HDAC4: variants seen among roughly 807,000 people sequenced by gnomAD.
HDAC4 encodes the protein histone deacetylase A.
HDAC4 carries 16 observed loss-of-function variants against 135.1 expected under a neutral mutation model. That is an observed-to-expected ratio of 0.12 (90% CI 0.08 to 0.18). HDAC4 has a LOEUF of 0.18. HDAC4 is among the 10% of genes least tolerant of loss of function. The pLI is 1.00. For synonymous variants in HDAC4, 685 were observed against 653.4 expected, an observed-to-expected ratio of 1.05 and a Z score of -0.74; for missense variants, 1,143 against 1,511.8, an observed-to-expected ratio of 0.76 and a Z score of 4.05.
chr2:239,387,452 C>T (rs1244259410), intron 1 of HDAC4, among the ~76,000 whole-genome samples: 5 of 152,216 alleles, frequency 3.3e-5, no homozygotes, highest in Admixed American at 6.5e-5. Context: ...CCCCCACCTT[C>T]GCCTGGAAGA....
At chr2:239,101,580 G>A (rs535858888) in intron 16 of HDAC4, among the ~76,000 whole-genome samples, 3 of 152,264 alleles carry the variant, frequency 2.0e-5, no homozygotes, top group African/African-American at 7.2e-5. Context: ...CCTTCCTAGG[G>A]TCCTGCTCAG....
At chr2:239,242,747 A>T (rs371220583) in intron 2 of HDAC4, among the ~76,000 whole-genome samples, 19 of 152,220 alleles carry the variant, frequency 1.2e-4, no homozygotes, top group African/African-American at 4.6e-4. Context: ...TTTACTGGAA[A>T]GTGTATTGCT....
chr2:239,118,080 G>A (rs1439206023), intron 12 of HDAC4, among the ~76,000 whole-genome samples: 1 of 152,116 alleles, frequency 6.6e-6, no homozygotes, highest in Admixed American at 6.5e-5. Context: ...CGGTCCCCAC[G>A]CAGCAGGGCT....
At chr2:239,378,545 C>T (rs1021766396) in intron 1 of HDAC4, among the ~76,000 whole-genome samples, 2 of 152,158 alleles carry the variant, frequency 1.3e-5, no homozygotes, top group African/African-American at 4.8e-5. Context: ...CCTCACCTCC[C>T]ACTCTCCTCT....
intron 11 of HDAC4, among the ~76,000 whole-genome samples, chr2:239,130,640 C>T (rs1378141915): frequency 4.6e-5 from 7 of 152,194 alleles, no homozygotes; most frequent in African/African-American, 1.7e-4. Context: ...CTCCCTCCAC[C>T]TGTGCCCTTC....
intron 2 of HDAC4, among the ~76,000 whole-genome samples, chr2:239,343,620 C>T (rs1392458375): frequency 6.6e-6 from 1 of 152,246 alleles, no homozygotes; most frequent in Non-Finnish European, 1.5e-5. Flanking sequence ...CCTCAGGGGG[C>T]TTCCATGCCC....
intron 19 of HDAC4, chr2:239,086,022 G>A (rs1238017605): frequency 2.8e-4 from 4 of 14,072 alleles, no homozygotes; most frequent in African/African-American, 7.1e-4. Flanking sequence ...TATCTCTCAC[G>A]TACAGTCTCC....
In HDAC4 at chr2:239,379,944, C is replaced by CG. The variant is rs199889219; in HGVS notation, c.-220+21033dup. ...CTCCGGACCTGGCTGCGGGGTGACT[C>CG]GGGGGGAAGCGGATGCAGACTGCAG... On this transcript the variant is annotated intron_variant, in intron 1 of 26. Coordinates refer to ENST00000543185, the MANE Select transcript of HDAC4 (RefSeq NM_001378414.1). Among the ~76,000 whole-genome samples, 115 of 152,308 alleles carry CG rather than the reference C, an allele frequency of 7.6e-4. 1 individual carries two copies. In the East Asian group the frequency reaches 0.021, roughly 28 times the overall value.
At chr2:239,206,453 C>T (rs1479097721) in intron 3 of HDAC4, among the ~76,000 whole-genome samples, 1 of 151,956 alleles carries the variant, frequency 6.6e-6, no homozygotes, top group Non-Finnish European at 1.5e-5. Flanking sequence ...AAGAGGTGCA[C>T]CATTGCATCT....
At chr2:239,160,896 G>A (rs1575238095) in intron 6 of HDAC4, among the ~76,000 whole-genome samples, 2 of 152,346 alleles carry the variant, frequency 1.3e-5, no homozygotes, top group South Asian at 4.1e-4. Context: ...GTTTTCCCAC[G>A]TGTGATTCAG....
At chr2:239,265,836 G>C (rs1347575296) in intron 2 of HDAC4, among the ~76,000 whole-genome samples, 1 of 152,238 alleles carries the variant, frequency 6.6e-6, no homozygotes, top group African/African-American at 2.4e-5. Context: ...TAGGTCCTGG[G>C]GGTGAATGGG....
At chr2:239,150,392 AACGC>A (rs1288616114) in intron 7 of HDAC4, among the ~76,000 whole-genome samples, 3 of 151,904 alleles carry the variant, frequency 2.0e-5, no homozygotes, top group African/African-American at 7.3e-5. Context: ...CAAACACAGA[AACGC>A]ACACAGATAT....
intron 2 of HDAC4, among the ~76,000 whole-genome samples, chr2:239,344,845 C>T (rs1394526013): frequency 6.6e-6 from 1 of 152,184 alleles, no homozygotes; most frequent in Non-Finnish European, 1.5e-5. Context: ...TGTTGTCCTT[C>T]TCTAAAACCT....
At chr2:239,073,166 C>T (rs777092643) in intron 22 of HDAC4, among the ~76,000 whole-genome samples, 3 of 152,228 alleles carry the variant, frequency 2.0e-5, no homozygotes, top group Admixed American at 6.5e-5. Context: ...ACTTCTGGAA[C>T]TTAGATGGGA....
intron 2 of HDAC4, among the ~76,000 whole-genome samples, chr2:239,246,124 GTGGCT>G (rs2048443599): frequency 6.6e-6 from 1 of 152,220 alleles, no homozygotes; most frequent in East Asian, 1.9e-4. Context: ...GCTAACACCT[GTGGCT>G]TAGTCGGGTG....
rs143658150 is a variant in HDAC4, at chr2:239,085,162, T to C, written c.2445-920A>G. 2.1e-3 allele frequency among the ~76,000 whole-genome samples: 323 copies of C among 152,114 alleles called. 3 individuals are homozygous for C. Among genetic ancestry groups the C allele is most frequent in the African/African-American group, 6.9e-3 (288 of 41,470 alleles). Reference sequence around the variant, plus strand: ...TTTCCCTCATCTTCACCTGGAACCCTTCCTCTCAGGAGCTGCCGCCACGCC... The same window carrying C: ...TTTCCCTCATCTTCACCTGGAACCCCTCCTCTCAGGAGCTGCCGCCACGCC... On this transcript the variant is annotated intron_variant, in intron 19 of 26. Coordinates refer to ENST00000543185, the MANE Select transcript of HDAC4 (RefSeq NM_001378414.1).
At chr2:239,157,169 T>G (rs1458494539) in intron 6 of HDAC4, among the ~76,000 whole-genome samples, 1 of 152,208 alleles carries the variant, frequency 6.6e-6, no homozygotes, top group Non-Finnish European at 1.5e-5. Context: ...AGTAGGCTGC[T>G]GCATAAGGAA....
chr2:239,056,302 C>CAATGAAGGG (rs2031835173), intron 24 of HDAC4, among the ~76,000 whole-genome samples: 1 of 152,188 alleles, frequency 6.6e-6, no homozygotes, highest in African/African-American at 2.4e-5. Flanking sequence ...TCCCATTCTC[C>CAATGAAGGG]AATGAAGGGA....
chr2:239,282,821 T>C (rs1001406347), intron 2 of HDAC4, among the ~76,000 whole-genome samples: 2 of 147,100 alleles, frequency 1.4e-5, no homozygotes, highest in Admixed American at 6.8e-5. Flanking sequence ...CTACACACAA[T>C]GTACACACCA....
Sources: allele counts gnomAD v4.1 joint callset (sites outside exome capture counted in the v4.1 genomes callset), GRCh38; gene constraint gnomAD v4.1.1; transcripts MANE v1.5; gene names NCBI Gene and HGNC (gene_info 2026-07-23, HGNC 2026-07-21).